AMPD3: variants seen among roughly 807,000 people sequenced by gnomAD.
AMPD3 encodes the protein AMP deaminase 3.
Under a neutral mutation model 82.3 loss-of-function variants are expected in AMPD3, and 57 were observed. The observed-to-expected ratio is 0.69, with a 90% CI of 0.56 to 0.86. The LOEUF (loss-of-function observed/expected upper bound fraction) is 0.86, where lower values mean the gene tolerates loss of function less well. Among genes scored for constraint, AMPD3 ranks in the 40% least tolerant of loss-of-function variants. The pLI, the probability that AMPD3 is intolerant of heterozygous loss-of-function variation, is 0.00. For missense variants in AMPD3, 870 were observed against 1,003.8 expected, an observed-to-expected ratio of 0.87 and a Z score of 1.80; for synonymous variants, 381 against 394.7, an observed-to-expected ratio of 0.97 and a Z score of 0.41.
Position 10,493,333 on chromosome 11 carries a change from G to A in AMPD3, c.940-16G>A, listed in dbSNP as rs1386625976. On this transcript the variant is annotated splice_polypyrimidine_tract_variant and intron_variant, in intron 6 of 14. Coordinates refer to ENST00000396553, the MANE Select transcript of AMPD3 (RefSeq NM_001025389.2). Reference sequence around the variant, plus strand: ...GAGGTGGCCTGACTCAGGGCCTGGTGGGCGCTGTGTTCCAGGTGGACACAC... The same window carrying A: ...GAGGTGGCCTGACTCAGGGCCTGGTAGGCGCTGTGTTCCAGGTGGACACAC... 1 of 1,613,916 alleles carries A rather than the reference G, an allele frequency of 6.2e-7. No homozygotes were observed. The highest frequency in any genetic ancestry group is 8.5e-7 in the Non-Finnish European group (1 of 1,180,016).
chr11:10,489,685 CTT>C (rs113988346), intron 6 of AMPD3, among the ~76,000 whole-genome samples: 1 of 146,344 alleles, frequency 6.8e-6, no homozygotes. Context: ...CTCTGTCTCT[CTT>C]TTTTTTTTTT....
At chr11:10,479,939 C>T (rs1848852248) in intron 3 of AMPD3, 1 of 985,314 alleles carries the variant, frequency 1.0e-6, no homozygotes, top group Admixed American at 6.1e-5. Context: ...AGCATCCTGA[C>T]CATGAGTCTT....
intron 2 of AMPD3, among the ~76,000 whole-genome samples, chr11:10,469,691 A>G (rs553017477): frequency 1.6e-4 from 25 of 152,276 alleles, no homozygotes; most frequent in African/African-American, 6.0e-4. Flanking sequence ...ATGCCAAAAC[A>G]TGGCAGAGAC....
intron 1 of AMPD3, 191 bp from the exon 2 acceptor site, chr11:10,461,324 T>C: frequency 6.3e-7 from 1 of 1,577,994 alleles, no homozygotes; most frequent in Non-Finnish European, 8.6e-7. Flanking sequence ...TAAGTGGCCC[T>C]ACATGCTTCA....
At chr11:10,481,321 C>A in intron 3 of AMPD3, 1 of 481,148 alleles carries the variant, frequency 2.1e-6, no homozygotes, top group Non-Finnish European at 2.7e-6. Flanking sequence ...ATCTGAAGGA[C>A]ACATGAATTT....
chr11:10,496,659 G>GACA (rs2087691491), intron 9 of AMPD3, 153 bp from the exon 10 acceptor site: 1 of 1,463,500 alleles, frequency 6.8e-7, no homozygotes, highest in Admixed American at 1.9e-5. Flanking sequence ...GGGAGAGGAG[G>GACA]ACAGAGGAGG....
intron 2 of AMPD3, among the ~76,000 whole-genome samples, chr11:10,463,190 C>T (rs1259736772): frequency 1.3e-5 from 2 of 152,152 alleles, no homozygotes. Context: ...AAAGGCAAGT[C>T]TTTTCCTTTC....
At chr11:10,501,780 G>A (rs1016337202) in intron 12 of AMPD3, 190 bp downstream of exon 12, 1 of 985,050 alleles carries the variant, frequency 1.0e-6, no homozygotes. Flanking sequence ...CCAAAAACTG[G>A]AGAAATGGAA....
At chr11:10,494,837 A>T in intron 7 of AMPD3, 62 bp from the exon 8 acceptor site, 1 of 1,586,966 alleles carries the variant, frequency 6.3e-7, no homozygotes, top group Non-Finnish European at 8.6e-7. Context: ...AAAGGTCTAG[A>T]GAGGGGAACG....
intron 10 of AMPD3, among the ~76,000 whole-genome samples, chr11:10,498,216 G>A (rs1849475153): frequency 6.6e-6 from 1 of 152,184 alleles, no homozygotes; most frequent in African/African-American, 2.4e-5. Flanking sequence ...GGCTTGGTGA[G>A]AAGCGGTGGG....
upstream of AMPD3, chr11:10,450,692 A>G (rs61891367): frequency 0.18 from 190,821 of 1,058,136 alleles, 18,278 homozygotes; most frequent in Non-Finnish European, 0.19. Flanking sequence ...GCTGCTCTCA[A>G]GTTTCCCGTT....
chr11:10,500,172 C>G lies in AMPD3; in HGVS notation c.1644C>G (p.Thr548=). ...SDKSPNPDVW[T]SEQNPPYSYY... is the part of the protein sequence containing the mutation. ...AGAGCCCAAACCCGGACGTCTGGAC[C>G]AGTGAGCAGAACCCACCCTACAGCT... Residue 548 remains threonine, a synonymous_variant, in exon 11 of 15, where the codon ACC becomes ACG. Transcript: ENST00000396553. 6.2e-7 allele frequency: 1 copy of G among 1,614,246 alleles called. No homozygotes were observed. Among genetic ancestry groups the G allele is most frequent in the Non-Finnish European group, 8.5e-7 (1 of 1,180,050 alleles).
At chr11:10,459,497 A>G (rs1290327748) in intron 1 of AMPD3, among the ~76,000 whole-genome samples, 1 of 152,148 alleles carries the variant, frequency 6.6e-6, no homozygotes, top group Non-Finnish European at 1.5e-5. Context: ...AAGATGGCCT[A>G]GTGTGTTCCC....
intron 2 of AMPD3, among the ~76,000 whole-genome samples, chr11:10,471,612 C>T (rs1041478356): frequency 1.3e-5 from 2 of 151,990 alleles, no homozygotes; most frequent in Admixed American, 1.3e-4. Context: ...TACAAGAAAA[C>T]AACCCCATCA....
upstream of AMPD3, chr11:10,451,056 G>A: frequency 6.4e-7 from 1 of 1,574,460 alleles, no homozygotes; most frequent in Non-Finnish European, 8.6e-7. Flanking sequence ...GAGTGCGCGC[G>A]AGGCTGCGCT....
intron 9 of AMPD3, chr11:10,496,555 C>T (rs73409992): frequency 0.072 from 71,078 of 985,120 alleles, 2,650 homozygotes; most frequent in South Asian, 0.11. Context: ...TGCCACCATC[C>T]CATTCCTAGT....
intron 10 of AMPD3, among the ~76,000 whole-genome samples, chr11:10,497,399 C>T (rs1410101466): frequency 6.6e-6 from 1 of 152,164 alleles, no homozygotes; most frequent in Admixed American, 6.5e-5. Flanking sequence ...TATTTCCCTT[C>T]CGGATCCAGT....
At chr11:10,451,103 A>G, upstream of AMPD3, 5 of 1,544,144 alleles carry the variant, frequency 3.2e-6, no homozygotes, top group Non-Finnish European at 4.3e-6. Flanking sequence ...CCTGCGGCCC[A>G]GGCGGGAATC....
rs2133945326 is a variant in AMPD3, at chr11:10,502,806, A to G, written c.1928A>G (p.Tyr643Cys). 1.2e-6 allele frequency: 2 copies of G among 1,614,160 alleles called. No individual in the cohort carries two copies. The highest frequency in any genetic ancestry group is 4.5e-5 in the East Asian group (2 of 44,878). ...PLSNNSLFLE[Y>C]SKNPLREFLH... ...AGCAACAACAGTTTGTTCCTCGAAT[A>G]TTCCAAGAACCCTCTGAGGGAATTC... The change falls in exon 13 of 15, where the codon TAT becomes TGT. Residue 643 changes from tyrosine (Y) to cysteine (C), a missense_variant. Physicochemically the swap from Tyr to Cys is radical, Grantham distance 194 (BLOSUM62 -2). Coordinates refer to ENST00000396553, the MANE Select transcript of AMPD3 (RefSeq NM_001025389.2).
Sources: allele counts gnomAD v4.1 joint callset (sites outside exome capture counted in the v4.1 genomes callset), GRCh38; gene constraint gnomAD v4.1.1; transcripts MANE v1.5; gene names NCBI Gene and HGNC (gene_info 2026-07-23, HGNC 2026-07-21).